The following SEMA4G variants were observed in gnomAD, a reference collection of about 807,000 sequenced individuals.
SEMA4G encodes the protein semaphorin 4G.
A neutral mutation model predicts 81.2 loss-of-function variants in SEMA4G; 59 were observed. The observed-to-expected ratio is 0.73, with a 90% CI of 0.59 to 0.90. The LOEUF (loss-of-function observed/expected upper bound fraction) is 0.90, where lower values mean the gene tolerates loss of function less well. SEMA4G is among the 40% of genes least tolerant of loss of function. The pLI is 0.00. For missense variants in SEMA4G, 952 were observed against 1,102.3 expected, an observed-to-expected ratio of 0.86 and a Z score of 1.93; for synonymous variants, 404 against 433.9, an observed-to-expected ratio of 0.93 and a Z score of 0.86.
chr10:100,980,679 A>G (rs1307458129), exon 11 of SEMA4G: 1 of 1,613,622 alleles, frequency 6.2e-7, no homozygotes, highest in Admixed American at 1.7e-5. Context: ...AAATCTAGTC[A>G]TCTCTCTATT....
chr10:100,973,418 G>A lies in SEMA4G; in HGVS notation c.274-129G>A. The A allele has an allele frequency of 1.4e-6, 2 of 1,387,148 alleles. No individual in the cohort carries two copies. The highest frequency in any genetic ancestry group is 2.1e-4 in the Middle Eastern group (1 of 4,790). The allele number at this position is 1,387,148 out of a possible 1,614,324, so 85.9% of individuals were successfully genotyped here. A position where few individuals can be genotyped will look rare whatever the true frequency, so the allele number is the denominator to read the frequency against. ...GCCCTTCCCAGCCCAGGTGTTCCTTGCATTCAGTGTTCCTCCTGAAATTGA... is the reference window on the plus strand; with the variant it reads ...GCCCTTCCCAGCCCAGGTGTTCCTTACATTCAGTGTTCCTCCTGAAATTGA... On this transcript the variant is annotated intron_variant, in intron 2 of 13. Coordinates refer to ENST00000370250, the Ensembl canonical transcript of SEMA4G. The surrounding 1 kb of genome is among the most constrained non-coding windows in gnomAD (Gnocchi z 5.5).
chr10:100,974,660 G>A (rs1406014281), intron 3 of SEMA4G, among the ~76,000 whole-genome samples: 1 of 152,220 alleles, frequency 6.6e-6, no homozygotes, highest in Non-Finnish European at 1.5e-5. Flanking sequence ...TTTTGCAGAT[G>A]AGAAAAATGA....
chr10:100,975,051 A>G, intron 3 of SEMA4G: 1 of 534,232 alleles, frequency 1.9e-6, no homozygotes, highest in Non-Finnish European at 3.8e-6. Flanking sequence ...AAGAGCTTCC[A>G]TCAAAGGCTG....
At position 100,973,727 on chromosome 10, in the gene SEMA4G, A is replaced by C; in HGVS notation, c.336+118A>C. The C allele has an allele frequency of 1.1e-6, 1 of 879,848 alleles. No individual in the cohort carries two copies. The highest frequency in any genetic ancestry group is 1.8e-6 in the Non-Finnish European group (1 of 564,858). The allele number at this position is 879,848 out of a possible 1,614,324, so 54.5% of individuals were successfully genotyped here. On this transcript the variant is annotated intron_variant, in intron 3 of 13. Transcript: ENST00000370250. The surrounding 1 kb of genome is among the most constrained non-coding windows in gnomAD (Gnocchi z 5.5). ...GACCTGCCAGTCAATCTCAGCAACC[A>C]CAGTAAACATTGTAAGTATTGCCAG...
chr10:100,979,752 T>A, intron 8 of SEMA4G, 96 bp from the exon 10 acceptor site: 1 of 1,425,716 alleles, frequency 7.0e-7, no homozygotes, highest in South Asian at 1.2e-5. Flanking sequence ...ATAGCTGGGG[T>A]TGGCCAGGGT....
downstream of SEMA4G, chr10:100,985,189 T>A: frequency 2.9e-6 from 1 of 340,340 alleles, no homozygotes; most frequent in Non-Finnish European, 5.4e-6. Flanking sequence ...GGAGGAGAAA[T>A]CTGATGTCTC....
intron 13 of SEMA4G, among the ~76,000 whole-genome samples, chr10:100,982,221 G>A (rs1054233985): frequency 2.6e-5 from 4 of 152,054 alleles, no homozygotes; most frequent in Non-Finnish European, 5.9e-5. Context: ...AGAGGGAGCA[G>A]CAGGCAGAGG....
intron 5 of SEMA4G, 41 bp downstream of exon 6, chr10:100,978,429 A>G (rs867449090): frequency 9.3e-6 from 15 of 1,605,072 alleles, no homozygotes; most frequent in Non-Finnish European, 1.1e-5. Context: ...TGGTATTTTT[A>G]GGATGTGGAT....
exon 9 of SEMA4G, chr10:100,979,954 C>T (rs1261099304): frequency 1.5e-5 from 24 of 1,613,946 alleles, no homozygotes; most frequent in Non-Finnish European, 1.8e-5. Flanking sequence ...GCGCTGGGGT[C>T]GCTATGAGGG....
At chr10:100,978,908 G>T (rs758650850) in exon 7 of SEMA4G, 2 of 1,614,232 alleles carry the variant, frequency 1.2e-6, no homozygotes, top group Non-Finnish European at 1.7e-6. Flanking sequence ...AGTGGGTGAT[G>T]ATGACAAGGT....
intron 3 of SEMA4G, among the ~76,000 whole-genome samples, chr10:100,975,449 C>T (rs1465037621): frequency 6.6e-6 from 1 of 152,198 alleles, no homozygotes; most frequent in Non-Finnish European, 1.5e-5. Flanking sequence ...TGCCCAGTCC[C>T]ACAATGCACA....
At chr10:100,983,893 A>T in exon 14 of SEMA4G, 1 of 1,538,934 alleles carries the variant, frequency 6.5e-7, no homozygotes. Flanking sequence ...ATCCCTGGGG[A>T]GGGAGCCCCA....
chr10:100,977,578 AG>A, intron 3 of SEMA4G, 53 bp from the exon 5 acceptor site: 1 of 1,395,136 alleles, frequency 7.2e-7, no homozygotes, highest in Non-Finnish European at 1.0e-6. Context: ...AGACTAATGG[AG>A]GAGGCTTCTA....
At chr10:100,980,833 T>C (rs1306051543) in exon 12 of SEMA4G, 6 of 1,581,048 alleles carry the variant, frequency 3.8e-6, no homozygotes, top group Non-Finnish European at 5.1e-6. Flanking sequence ...ACAGCCTCTA[T>C]GTGGGGGCTC....
At chr10:100,976,212 A>G (rs1466184895) in intron 3 of SEMA4G, among the ~76,000 whole-genome samples, 2 of 152,178 alleles carry the variant, frequency 1.3e-5, no homozygotes, top group Non-Finnish European at 2.9e-5. Context: ...AGAGGCTGGC[A>G]GCTGAGGGCA....
At position 100,981,299 on chromosome 10, in the gene SEMA4G, C is replaced by T. The variant is rs141196513; in HGVS notation, c.1690+70C>T. On this transcript the variant is annotated intron_variant, in intron 13 of 13. Transcript: ENST00000370250. ...TCTTTGCCATTTACTGCCATGTGTA[C>T]GTATATGTTTGTATCTGAGTGGCTG... is the stretch of plus-strand genomic sequence containing the variant. 614 of 1,595,038 alleles carry T rather than the reference C, an allele frequency of 3.8e-4. 2 individuals are homozygous for T. In the African/African-American group the frequency reaches 7.3e-3, roughly 19 times the overall value.
At chr10:100,969,684 C>A, upstream of SEMA4G, 1 of 354,496 alleles carries the variant, frequency 2.8e-6, no homozygotes, top group Non-Finnish European at 5.8e-6. Context: ...TCCATTCTAC[C>A]CTCCAAGCTG....
At chr10:100,977,457 G>C (rs556226133) in intron 3 of SEMA4G, among the ~76,000 whole-genome samples, 175 bp from the exon 5 acceptor site, 22 of 152,296 alleles carry the variant, frequency 1.4e-4, no homozygotes, top group African/African-American at 4.3e-4. Flanking sequence ...TTACTGGGAG[G>C]CCAAGGACAG....
intron 13 of SEMA4G, 95 bp downstream of exon 14, chr10:100,981,324 G>A: frequency 1.3e-6 from 2 of 1,597,642 alleles, no homozygotes; most frequent in Non-Finnish European, 1.7e-6. Flanking sequence ...CTGAGTGGCT[G>A]TGGCTATGTA....
Sources: gnomAD v4.1 joint callset for allele counts (sites outside exome capture counted in the v4.1 genomes callset) on GRCh38, gnomAD v4.1.1 for gene constraint, Gnocchi (gnomAD v3.1) non-coding constraint, MANE v1.5 for transcripts, NCBI Gene and HGNC (gene_info 2026-07-23, HGNC 2026-07-21) for gene names.